The following ZNF565 variants were observed in gnomAD, a reference collection of about 807,000 sequenced individuals.
ZNF565 encodes the protein zinc finger protein 565.
ZNF565 carries 27 observed loss-of-function variants against 39.4 expected under a neutral mutation model. That is an observed-to-expected ratio of 0.69 (90% CI 0.51 to 0.95). The LOEUF is 0.95. ZNF565 is among the 40% of genes least tolerant of loss of function. The pLI is 0.00. For synonymous variants in ZNF565, 185 were observed against 216.6 expected (o/e 0.85, Z 1.28); for missense variants, 524 against 621.1 (o/e 0.84, Z 1.66).
At chr19:36,200,310 G>C (rs1002176185) in intron 2 of ZNF565, among the ~76,000 whole-genome samples, 12 of 152,120 alleles carry the variant, frequency 7.9e-5, no homozygotes, top group Admixed American at 7.9e-4. Flanking sequence ...ACAGGTATCA[G>C]ACAATGCATC....
intron 1 of ZNF565, 26 bp from the exon 2 acceptor site, chr19:36,202,076 G>A (rs759304076): frequency 3.7e-6 from 5 of 1,354,842 alleles, no homozygotes; most frequent in South Asian, 3.5e-5. Flanking sequence ...GGGGGGAGAT[G>A]GGGTAACCTC....
intron 1 of ZNF565, among the ~76,000 whole-genome samples, chr19:36,206,647 A>G (rs1250274844): frequency 6.6e-6 from 1 of 152,126 alleles, no homozygotes; most frequent in East Asian, 1.9e-4. Context: ...CCTGGCCAAC[A>G]TGGTGAAATG....
At chr19:36,207,309 C>G (rs936710883) in intron 1 of ZNF565, among the ~76,000 whole-genome samples, 2 of 152,080 alleles carry the variant, frequency 1.3e-5, no homozygotes, top group African/African-American at 4.8e-5. Flanking sequence ...TTTGGAAGAT[C>G]AAGGTGGGCG....
chr19:36,207,318 CG>C (rs1976191094), intron 1 of ZNF565, among the ~76,000 whole-genome samples: 1 of 152,014 alleles, frequency 6.6e-6, no homozygotes, highest in South Asian at 2.1e-4. Context: ...TCAAGGTGGG[CG>C]GATCACCTGA....
chr19:36,238,464 T>G (rs1012415333), intron 1 of ZNF565: 3 of 167,102 alleles, frequency 1.8e-5, no homozygotes, highest in African/African-American at 7.2e-5. Context: ...AAACATCCAC[T>G]TCTCTTTCAA....
At chr19:36,220,098 G>A (rs370370193) in intron 1 of ZNF565, among the ~76,000 whole-genome samples, 1 of 152,242 alleles carries the variant, frequency 6.6e-6, no homozygotes, top group East Asian at 1.9e-4. Context: ...CTGCAGGCTT[G>A]TATCTTCCTC....
intron 1 of ZNF565, among the ~76,000 whole-genome samples, chr19:36,233,239 C>T (rs1057260650): frequency 2.6e-5 from 4 of 151,958 alleles, no homozygotes; most frequent in Non-Finnish European, 4.4e-5. Context: ...AAAAATTAGG[C>T]GTGGTGATGC....
chr19:36,192,819 T>C (rs1380340056), intron 4 of ZNF565, among the ~76,000 whole-genome samples: 1 of 151,524 alleles, frequency 6.6e-6, no homozygotes, highest in Non-Finnish European at 1.5e-5. Flanking sequence ...TGGTTTTTTT[T>C]TTGGTTTGTT....
rs774316052 is a variant in ZNF565 at position 36,195,092 on chromosome 19, G to A, written c.74C>T (p.Pro25Leu). Residue 25 changes from proline (P) to leucine (L), a missense_variant, in exon 3 of 5, where the codon CCT (proline) becomes CTT (leucine). Coordinates refer to ENST00000304116, the MANE Select transcript of ZNF565 (RefSeq NM_152477.5). ...CTCCCTGTACAAGTCCCTCTGAGCA[G>A]GTTCCAGGCACTTCCATTCTTCCAG... ...FSLEEWKCLEPAQRDLYREVT... is the reference protein window; with the variant it reads ...FSLEEWKCLELAQRDLYREVT... 2 of 1,614,146 alleles carry A rather than the reference G, an allele frequency of 1.2e-6. No homozygotes were observed. Among genetic ancestry groups the A allele is most frequent in the Non-Finnish European group, 1.7e-6 (2 of 1,180,020 alleles).
intron 1 of ZNF565, among the ~76,000 whole-genome samples, chr19:36,209,494 C>G (rs1241523077): frequency 6.6e-6 from 1 of 150,978 alleles, no homozygotes; most frequent in Non-Finnish European, 1.5e-5. Flanking sequence ...GACTCCGTCT[C>G]AAAACAAAAA....
At chr19:36,233,974 A>G (rs143433837) in intron 1 of ZNF565, among the ~76,000 whole-genome samples, 46 of 152,188 alleles carry the variant, frequency 3.0e-4, no homozygotes, top group African/African-American at 9.9e-4. Context: ...ATTTCAGACT[A>G]TCACATGGGG....
chr19:36,230,146 G>A (rs554245706), intron 1 of ZNF565, among the ~76,000 whole-genome samples: 7 of 152,266 alleles, frequency 4.6e-5, no homozygotes, highest in African/African-American at 1.4e-4. Flanking sequence ...CAACTACATA[G>A]CATTTACTTT....
intron 1 of ZNF565, among the ~76,000 whole-genome samples, chr19:36,240,289 C>A (rs932097829): frequency 2.6e-5 from 4 of 152,164 alleles, no homozygotes; most frequent in Non-Finnish European, 5.9e-5. Context: ...AGGCATGTGC[C>A]ACACATCTGT....
intron 1 of ZNF565, chr19:36,237,048 T>G (rs201341450): frequency 6.2e-7 from 1 of 1,614,044 alleles, no homozygotes; most frequent in Non-Finnish European, 8.5e-7. Context: ...ATTGTACATG[T>G]GAGGATTCAT....
chr19:36,229,252 T>A (rs917880278), intron 1 of ZNF565, among the ~76,000 whole-genome samples: 21 of 152,222 alleles, frequency 1.4e-4, no homozygotes, highest in African/African-American at 5.1e-4. Flanking sequence ...TTCTCACACT[T>A]CCCGTTGTCT....
At chr19:36,185,992 C>T (rs899832702) in intron 4 of ZNF565, among the ~76,000 whole-genome samples, 1 of 150,830 alleles carries the variant, frequency 6.6e-6, no homozygotes, top group Non-Finnish European at 1.5e-5. Flanking sequence ...CTGTGCCTGG[C>T]TTGTCTTTTT....
chr19:36,187,378 C>T (rs10411418), intron 4 of ZNF565, among the ~76,000 whole-genome samples: 63,778 of 148,622 alleles, frequency 0.43, 14,014 homozygotes, highest in African/African-American at 0.56. Context: ...TTTTTTTTTT[C>T]TGAGACGGAG....
rs955014486 is a variant in ZNF565, at chr19:36,245,903, C to G, written c.-373G>C. 1 of 238,838 alleles carries G rather than the reference C, an allele frequency of 4.2e-6. No individual in the cohort carries two copies. Among genetic ancestry groups the G allele is most frequent in the Non-Finnish European group, 8.1e-6 (1 of 122,882 alleles). 14.8% of individuals were successfully genotyped at this position (238,838 alleles called of 1,614,324 possible). A position where few individuals can be genotyped will look rare whatever the true frequency, so the allele number is the denominator to read the frequency against. ...AGGCGGAACCCGACCGGGATCGCCC[C>G]GCGAGATGCAGTCGTTGAGGGAGTC... On this transcript the variant is annotated 5_prime_UTR_variant, in exon 1 of 5. Coordinates refer to the ZNF565 transcript ENST00000355114. The surrounding 1 kb of genome is among the most constrained non-coding windows in gnomAD (Gnocchi z 4.4).
Position 36,194,302 on chromosome 19 carries a change from C to A in ZNF565, c.163G>T (p.Val55Phe), listed in dbSNP as rs199965728. The stretch of plus-strand genomic sequence containing the variant: ...TCTTTCCCTTGCTCCAATAAGGAGA[C>A]GACATCAGGCTTAGAAATGGAGAGT... ...LGLSISKPDV[V>F]SLLEQGKEPW... is the part of the protein sequence containing the mutation. The change falls in exon 4 of 5, where the codon GTC (valine) becomes TTC (phenylalanine). Residue 55 changes from valine to phenylalanine, a missense_variant. Physicochemically the swap from Val to Phe is conservative, Grantham distance 50. Transcript: ENST00000304116. The A allele has an allele frequency of 8.1e-6, 13 of 1,611,976 alleles. No homozygotes were observed. The highest frequency in any genetic ancestry group is 9.3e-6 in the Non-Finnish European group (11 of 1,179,172).
Sources: gnomAD v4.1 joint callset for allele counts (sites outside exome capture counted in the v4.1 genomes callset) on GRCh38, gnomAD v4.1.1 for gene constraint, Gnocchi (gnomAD v3.1) non-coding constraint, MANE v1.5 for transcripts, NCBI Gene and HGNC (gene_info 2026-07-23, HGNC 2026-07-21) for gene names.